TAS2R1: variants seen among roughly 807,000 people sequenced by gnomAD.
TAS2R1 encodes the protein taste 2 receptor member 1.
For missense variants in TAS2R1, 370 were observed against 353.4 expected (o/e 1.05, Z -0.38); for synonymous variants, 141 against 134.2 (o/e 1.05, Z -0.35).
chr5:9,772,186 G>A, the TAS2R1 span, among the ~76,000 whole-genome samples: 1 of 151,970 alleles, frequency 6.6e-6, no homozygotes, highest in Admixed American at 6.5e-5. Flanking sequence ...TATCCCATAG[G>A]TTTTGGTACG....
intron 1 of TAS2R1, among the ~76,000 whole-genome samples, chr5:9,678,728 C>T (rs528331678): frequency 1.7e-4 from 26 of 151,990 alleles, no homozygotes; most frequent in Admixed American, 3.3e-4. Context: ...GGGAGCTGAC[C>T]GATGAGAACA....
chr5:9,877,758 A>G, the TAS2R1 span, among the ~76,000 whole-genome samples: 3 of 152,250 alleles, frequency 2.0e-5, no homozygotes, highest in African/African-American at 7.2e-5. Flanking sequence ...CTGTCTGCGA[A>G]CTGCTTAATG....
chr5:9,753,016 C>T, the TAS2R1 span, among the ~76,000 whole-genome samples: 2 of 152,178 alleles, frequency 1.3e-5, no homozygotes, highest in African/African-American at 4.8e-5. Flanking sequence ...CATACGTGTG[C>T]ATGTGTCTTT....
chr5:9,878,503 C>T, the TAS2R1 span, among the ~76,000 whole-genome samples: 4 of 152,304 alleles, frequency 2.6e-5, no homozygotes, highest in East Asian at 5.8e-4. Context: ...GAACCACGAA[C>T]GCTTGTATCT....
At chr5:9,706,650 C>T (rs1579793607) in intron 1 of TAS2R1, among the ~76,000 whole-genome samples, 1 of 152,320 alleles carries the variant, frequency 6.6e-6, no homozygotes, top group Middle Eastern at 3.4e-3. Flanking sequence ...GAAAACCCTG[C>T]TGTATCTGAG....
chr5:9,633,897 A>T (rs1739922520), upstream of TAS2R1, among the ~76,000 whole-genome samples: 1 of 151,684 alleles, frequency 6.6e-6, no homozygotes, highest in Non-Finnish European at 1.5e-5. Context: ...TCTGTGGGTC[A>T]TCTGTTTACT....
At chr5:9,866,466 G>T in the TAS2R1 span, among the ~76,000 whole-genome samples, 3 of 152,146 alleles carry the variant, frequency 2.0e-5, no homozygotes, top group Non-Finnish European at 4.4e-5. Flanking sequence ...AAAAAATGTA[G>T]AGACAATTTA....
At chr5:9,719,238 GTA>G in the TAS2R1 span, among the ~76,000 whole-genome samples, 1 of 152,070 alleles carries the variant, frequency 6.6e-6, no homozygotes, top group African/African-American at 2.4e-5. Flanking sequence ...AAAAAATTGT[GTA>G]TGTGTGTGTG....
the TAS2R1 span, among the ~76,000 whole-genome samples, chr5:9,814,299 G>C: frequency 6.7e-6 from 1 of 150,232 alleles, no homozygotes. Flanking sequence ...CTAAATCAAT[G>C]GAAAGTGAAA....
At chr5:9,772,842 T>C in the TAS2R1 span, among the ~76,000 whole-genome samples, 41 of 152,288 alleles carry the variant, frequency 2.7e-4, no homozygotes, top group Admixed American at 1.1e-3. Context: ...TCTACTTGCA[T>C]GGAATATCTT....
At chr5:9,686,797 T>A (rs1741133580) in intron 1 of TAS2R1, among the ~76,000 whole-genome samples, 1 of 152,198 alleles carries the variant, frequency 6.6e-6, no homozygotes, top group African/African-American at 2.4e-5. Flanking sequence ...TTCTACTAAA[T>A]GTTAAATTTT....
intron 1 of TAS2R1, among the ~76,000 whole-genome samples, chr5:9,700,754 G>A (rs1203216505): frequency 1.3e-5 from 2 of 152,124 alleles, no homozygotes; most frequent in African/African-American, 4.8e-5. Context: ...TCCTTGGCCT[G>A]TAGATGACCG....
intron 2 of TAS2R1, among the ~76,000 whole-genome samples, chr5:9,648,370 T>C (rs1401032965): frequency 1.3e-5 from 2 of 152,070 alleles, no homozygotes; most frequent in African/African-American, 4.8e-5. Flanking sequence ...ATCTATCAAA[T>C]TGACAATATA....
At chr5:9,746,021 G>A in the TAS2R1 span, among the ~76,000 whole-genome samples, 2 of 152,116 alleles carry the variant, frequency 1.3e-5, no homozygotes, top group African/African-American at 2.4e-5. Flanking sequence ...CTACCCATCT[G>A]ACAAAGGGCT....
chr5:9,788,580 A>G, the TAS2R1 span, among the ~76,000 whole-genome samples: 1 of 152,178 alleles, frequency 6.6e-6, no homozygotes, highest in Non-Finnish European at 1.5e-5. Flanking sequence ...TTCTACTAAG[A>G]TCTTTGTCTC....
the TAS2R1 span, among the ~76,000 whole-genome samples, chr5:9,734,505 A>T: frequency 1.4e-5 from 2 of 139,236 alleles, no homozygotes; most frequent in Non-Finnish European, 3.1e-5. Context: ...ACTGTACAAG[A>T]GGTTTTTTTG....
the TAS2R1 span, among the ~76,000 whole-genome samples, chr5:9,900,909 G>T: frequency 2.0e-4 from 31 of 152,192 alleles, no homozygotes; most frequent in South Asian, 2.1e-4. Flanking sequence ...TTTGCGTGGG[G>T]AAGAATAATG....
At chr5:9,689,924 GCAT>G (rs1304311895) in intron 1 of TAS2R1, among the ~76,000 whole-genome samples, 1 of 152,174 alleles carries the variant, frequency 6.6e-6, no homozygotes, top group East Asian at 1.9e-4. Flanking sequence ...CTGGGAGTCA[GCAT>G]CATTTCTATT....
the TAS2R1 span, among the ~76,000 whole-genome samples, chr5:9,777,928 C>T: frequency 8.7e-5 from 13 of 149,480 alleles, no homozygotes; most frequent in Non-Finnish European, 1.5e-4. Flanking sequence ...GGCCGGACTG[C>T]GGACTGCAGT....
Sources: gnomAD v4.1 joint callset for allele counts (sites outside exome capture counted in the v4.1 genomes callset) on GRCh38, gnomAD v4.1.1 for gene constraint, MANE v1.5 for transcripts, NCBI Gene and HGNC (gene_info 2026-07-23, HGNC 2026-07-21) for gene names.